AARS1: variants seen among roughly 807,000 people sequenced by gnomAD.
AARS1 encodes the protein alanyl-tRNA synthetase 1.
In AARS1, 72 loss-of-function variants were observed where a neutral mutation model predicts 108.9. The ratio of observed to expected loss-of-function variants is 0.66; its 90% CI spans 0.55 to 0.80. The LOEUF is 0.80. AARS1 is among the 30% of genes least tolerant of loss of function. The pLI, the probability that AARS1 is intolerant of heterozygous loss-of-function variation, is 0.00. For synonymous variants in AARS1, 489 were observed against 465.7 expected (o/e 1.05, Z -0.64); for missense variants, 1,193 against 1,233.2 (o/e 0.97, Z 0.49).
rs1174918034 is a variant in AARS1, at chr16:70,252,369, T to G, written c.*352A>C. 2.6e-6 allele frequency: 1 copy of G among 387,284 alleles called. No individual in the cohort carries two copies. The highest frequency in any genetic ancestry group is 4.8e-6 in the Non-Finnish European group (1 of 208,106). The allele number at this position is 387,284 out of a possible 1,614,324, so 24.0% of individuals were successfully genotyped here. On this transcript the variant is annotated 3_prime_UTR_variant, in exon 21 of 21. Coordinates refer to ENST00000261772, the MANE Select transcript of AARS1 (RefSeq NM_001605.3). ...AGCCAGCCCCTATTGGGAAGAGGGATAGAGATCATGCGGCATTAAGTATTG... is the reference window on the plus strand; with the variant it reads ...AGCCAGCCCCTATTGGGAAGAGGGAGAGAGATCATGCGGCATTAAGTATTG...
chr16:70,262,695 C>A (rs986357922), intron 11 of AARS1, among the ~76,000 whole-genome samples, 171 bp from the exon 12 acceptor site: 1 of 152,038 alleles, frequency 6.6e-6, no homozygotes. Context: ...CGCGGCCGGG[C>A]GCGGTGGCTC....
intron 1 of AARS1, 148 bp from the exon 2 acceptor site, chr16:70,282,932 G>A: frequency 2.6e-6 from 2 of 775,460 alleles, no homozygotes; most frequent in Non-Finnish European, 2.1e-6. Context: ...AATGTCCAAG[G>A]CTAAAATCAT....
At chr16:70,278,860 G>A (rs2152168084) in intron 2 of AARS1, among the ~76,000 whole-genome samples, 1 of 152,230 alleles carries the variant, frequency 6.6e-6, no homozygotes, top group African/African-American at 2.4e-5. Context: ...CAAAGGTTAA[G>A]GAAGTGACTA....
chr16:70,289,299 C>A (rs1960971464), intron 1 of AARS1, 122 bp downstream of exon 1: 1 of 346,864 alleles, frequency 2.9e-6, no homozygotes, highest in East Asian at 7.7e-5. Flanking sequence ...CCAGCCCAGA[C>A]TGGGCTTCTC....
intron 20 of AARS1, 81 bp downstream of exon 20, chr16:70,253,187 C>A: frequency 8.1e-7 from 1 of 1,231,518 alleles, no homozygotes; most frequent in East Asian, 2.4e-5. Context: ...AAGGCTGTTT[C>A]GAATGCAGGC....
intron 7 of AARS1, 54 bp downstream of exon 7, chr16:70,269,564 C>T (rs1244064475): frequency 1.2e-6 from 2 of 1,607,858 alleles, no homozygotes; most frequent in Admixed American, 1.7e-5. Flanking sequence ...TAAAGAGTCA[C>T]ACATAGCACA....
At chr16:70,265,407 T>A in intron 10 of AARS1, 131 bp downstream of exon 10, 1 of 1,431,268 alleles carries the variant, frequency 7.0e-7, no homozygotes, top group South Asian at 1.2e-5. Flanking sequence ...TCGCCCCCAC[T>A]TGAGAACCAC....
At chr16:70,255,150 C>T (rs1008782970) in intron 16 of AARS1, among the ~76,000 whole-genome samples, 1 of 152,020 alleles carries the variant, frequency 6.6e-6, no homozygotes, top group Non-Finnish European at 1.5e-5. Context: ...TATGTCTTAC[C>T]CTCCTCCACA....
chr16:70,286,362 ATTTTTTTTTTT>A (rs1000406265), intron 1 of AARS1, among the ~76,000 whole-genome samples: 1 of 117,106 alleles, frequency 8.5e-6, no homozygotes, highest in African/African-American at 3.4e-5. Flanking sequence ...CTCCACAGGA[ATTTTTTTTTTT>A]TTTTTTTTTT....
At chr16:70,280,582 A>C (rs1960672512) in intron 2 of AARS1, among the ~76,000 whole-genome samples, 1 of 152,154 alleles carries the variant, frequency 6.6e-6, no homozygotes, top group Non-Finnish European at 1.5e-5. Flanking sequence ...CTCATCCCAG[A>C]GTGAGAAGCA....
chr16:70,264,488 C>T (rs1457594580), intron 11 of AARS1, among the ~76,000 whole-genome samples: 10 of 151,636 alleles, frequency 6.6e-5, no homozygotes, highest in Admixed American at 4.6e-4. Context: ...GGCTAATTTC[C>T]GTATTTTTAG....
chr16:70,263,328 T>C (rs1322575586), intron 11 of AARS1, among the ~76,000 whole-genome samples: 1 of 152,140 alleles, frequency 6.6e-6, no homozygotes, highest in East Asian at 1.9e-4. Context: ...TCCTGGCACT[T>C]TGTGAGGCTG....
intron 11 of AARS1, 28 bp downstream of exon 11, chr16:70,264,930 C>G (rs938804985): frequency 1.2e-6 from 2 of 1,613,790 alleles, no homozygotes; most frequent in African/African-American, 2.7e-5. Flanking sequence ...GCAGAATGCT[C>G]AGATGTGGAA....
intron 11 of AARS1, among the ~76,000 whole-genome samples, chr16:70,262,795 T>C (rs1184575956): frequency 1.3e-5 from 2 of 151,356 alleles, no homozygotes; most frequent in East Asian, 1.9e-4. Context: ...GCTGAAACCC[T>C]GTCTCTACCA....
In AARS1 at chr16:70,255,740, G is replaced by C. The variant is rs143430116; in HGVS notation, c.2274C>G (p.Ala758=). The change falls in exon 16 of 21, where the codon GCC becomes GCG. Residue 758 remains alanine (A), a synonymous_variant. Coordinates refer to ENST00000261772, the MANE Select transcript of AARS1 (RefSeq NM_001605.3). ...GIRRIVAVTG[A]EAQKALRKAE... ...CTGACCTGCTCACCTTCTGGGCCTC[G>C]GCACCTGTGACAGCCACAATCCTCC... is the stretch of plus-strand genomic sequence containing the variant. 5.0e-6 allele frequency: 8 copies of C among 1,613,946 alleles called. No homozygotes were observed. The highest frequency in any genetic ancestry group is 6.8e-6 in the Non-Finnish European group (8 of 1,180,004).
At chr16:70,267,424 G>A (rs1960288714) in intron 9 of AARS1, among the ~76,000 whole-genome samples, 1 of 152,168 alleles carries the variant, frequency 6.6e-6, no homozygotes, top group Non-Finnish European at 1.5e-5. Flanking sequence ...GTGTGGAAAA[G>A]AGGATTTTCA....
intron 6 of AARS1, 51 bp downstream of exon 6, chr16:70,270,145 C>A: frequency 6.2e-7 from 1 of 1,608,282 alleles, no homozygotes; most frequent in Non-Finnish European, 8.5e-7. Flanking sequence ...GTTAAGAGTA[C>A]AGCCTGGAAA....
In AARS1 at chr16:70,253,994, C is replaced by A. The variant is rs750973700; in HGVS notation, c.2445G>T (p.Leu815Phe). 8 of 1,614,068 alleles carry A rather than the reference C, an allele frequency of 5.0e-6. 1 individual carries two copies. In the South Asian group the frequency reaches 7.7e-5, roughly 16 times the overall value. ...AVIPQWQKDE[L>F]RETLKSLKKV... Reference sequence around the variant, plus strand: ...TCTTTAGGGATTTGAGAGTCTCCCGCAATTCATCCTTCTGCCACTGGGGGA... The same window carrying A: ...TCTTTAGGGATTTGAGAGTCTCCCGAAATTCATCCTTCTGCCACTGGGGGA... Residue 815 changes from leucine (L) to phenylalanine (F), a missense_variant, in exon 18 of 21, where the codon TTG becomes TTT. Coordinates refer to ENST00000261772, the MANE Select transcript of AARS1 (RefSeq NM_001605.3).
intron 16 of AARS1, 52 bp downstream of exon 16, chr16:70,255,676 G>A (rs1959971043): frequency 2.0e-6 from 3 of 1,507,054 alleles, no homozygotes; most frequent in African/African-American, 1.4e-5. Flanking sequence ...TTCGCAGACT[G>A]GGCTCCTCTT....
Sources: allele counts gnomAD v4.1 joint callset (sites outside exome capture counted in the v4.1 genomes callset), GRCh38; gene constraint gnomAD v4.1.1; transcripts MANE v1.5; gene names NCBI Gene and HGNC (gene_info 2026-07-23, HGNC 2026-07-21).